The following KCND2 variants were observed in gnomAD, a reference collection of about 807,000 sequenced individuals.
KCND2 encodes A-type voltage-gated potassium channel KCND2.
Under a neutral mutation model 54.4 loss-of-function variants are expected in KCND2, and 16 were observed. The ratio of observed to expected loss-of-function variants is 0.29; its 90% CI spans 0.20 to 0.45. The LOEUF is 0.45. Ranked by LOEUF, KCND2 falls within the 20% of genes least tolerant of loss-of-function variation. KCND2 has a pLI of 1.00. For synonymous variants in KCND2, 317 were observed against 310.7 expected (o/e 1.02, Z -0.21); for missense variants, 486 against 824.2 (o/e 0.59, Z 5.02).
intron 1 of KCND2, among the ~76,000 whole-genome samples, chr7:120,699,494 T>TA (rs763639347): frequency 9.2e-5 from 14 of 152,064 alleles, no homozygotes; most frequent in Non-Finnish European, 1.3e-4. Context: ...GTTTTACAAA[T>TA]AAATTAGTGA....
chr7:120,435,178 C>T (rs1169591981), intron 1 of KCND2, among the ~76,000 whole-genome samples: 2 of 151,788 alleles, frequency 1.3e-5, no homozygotes, highest in Non-Finnish European at 2.9e-5. Context: ...TTCATCTCTA[C>T]TCATTGCAAC....
intron 1 of KCND2, among the ~76,000 whole-genome samples, chr7:120,496,891 G>A (rs533927343): frequency 3.5e-4 from 54 of 152,232 alleles, no homozygotes; most frequent in Middle Eastern, 6.8e-3. Flanking sequence ...CAGATAATTT[G>A]TATACTCATG....
At chr7:120,707,561 T>C (rs577910387) in intron 1 of KCND2, among the ~76,000 whole-genome samples, 5 of 152,256 alleles carry the variant, frequency 3.3e-5, no homozygotes, top group Non-Finnish European at 4.4e-5. Flanking sequence ...GTAGTTGTAA[T>C]ATCTTACTTT....
intron 1 of KCND2, among the ~76,000 whole-genome samples, chr7:120,604,087 T>C (rs1792847757): frequency 6.6e-6 from 1 of 152,172 alleles, no homozygotes; most frequent in Admixed American, 6.5e-5. Flanking sequence ...TTAAATGTAA[T>C]TTAAAACATT....
intron 1 of KCND2, among the ~76,000 whole-genome samples, chr7:120,692,079 G>A (rs1462358528): frequency 6.6e-6 from 1 of 152,200 alleles, no homozygotes; most frequent in African/African-American, 2.4e-5. Flanking sequence ...ATGCAACAGA[G>A]AGAGAATGAA....
At chr7:120,529,217 A>G (rs567067602) in intron 1 of KCND2, among the ~76,000 whole-genome samples, 17 of 152,262 alleles carry the variant, frequency 1.1e-4, no homozygotes, top group African/African-American at 4.1e-4. Flanking sequence ...TCTCAGTTGT[A>G]TTAAGGTTTG....
rs573125205 is a variant in KCND2, at chr7:120,549,039, C to G, written c.1116-183864C>G. ...GACTTTGGATTCAAATAAAAGTACT[C>G]TGATGTAGGAATTGAATCTTAACAA... On this transcript the variant is annotated intron_variant, in intron 1 of 5. Transcript: ENST00000331113. 2.9e-3 allele frequency among the ~76,000 whole-genome samples: 438 copies of G among 152,124 alleles called. 3 individuals are homozygous for G. The highest frequency in any genetic ancestry group is 0.01 in the African/African-American group (423 of 41,532).
At chr7:120,480,113 T>G (rs1018439863) in intron 1 of KCND2, among the ~76,000 whole-genome samples, 2 of 151,910 alleles carry the variant, frequency 1.3e-5, no homozygotes, top group Non-Finnish European at 2.9e-5. Flanking sequence ...TTTTTTATGG[T>G]ATAGATATAA....
At chr7:120,428,029 T>C (rs1190508523) in intron 1 of KCND2, among the ~76,000 whole-genome samples, 1 of 152,168 alleles carries the variant, frequency 6.6e-6, no homozygotes, top group Non-Finnish European at 1.5e-5. Context: ...AATAGGAAAA[T>C]GTATACATGT....
At chr7:120,572,980 T>G (rs1460644037) in intron 1 of KCND2, among the ~76,000 whole-genome samples, 1 of 152,198 alleles carries the variant, frequency 6.6e-6, no homozygotes, top group Non-Finnish European at 1.5e-5. Context: ...TTGTAAACTA[T>G]TTACATGTTT....
chr7:120,742,729 C>A, intron 4 of KCND2, 127 bp downstream of exon 4: 1 of 750,544 alleles, frequency 1.3e-6, no homozygotes, highest in Non-Finnish European at 2.4e-6. Context: ...AAAAAACAAA[C>A]AAACCAAAAC....
At chr7:120,529,138 A>G (rs1791812814) in intron 1 of KCND2, among the ~76,000 whole-genome samples, 1 of 152,166 alleles carries the variant, frequency 6.6e-6, no homozygotes, top group Non-Finnish European at 1.5e-5. Flanking sequence ...ATCTTGTCCT[A>G]TTTGGAAAGT....
chr7:120,483,660 T>C (rs567304755), intron 1 of KCND2, among the ~76,000 whole-genome samples: 32 of 152,164 alleles, frequency 2.1e-4, no homozygotes, highest in African/African-American at 7.0e-4. Flanking sequence ...GTAGGAACAG[T>C]AGAACAAAGA....
intron 1 of KCND2, among the ~76,000 whole-genome samples, chr7:120,609,351 C>G (rs549692507): frequency 6.6e-6 from 1 of 152,132 alleles, no homozygotes; most frequent in East Asian, 1.9e-4. Flanking sequence ...CTCTGTCAAC[C>G]CTTACATAAC....
At chr7:120,338,181 G>A (rs1043066293) in intron 1 of KCND2, among the ~76,000 whole-genome samples, 2 of 151,784 alleles carry the variant, frequency 1.3e-5, no homozygotes, top group African/African-American at 4.8e-5. Context: ...AAATTCATTT[G>A]TGTCTTAGTG....
At chr7:120,441,618 G>A (rs1030666155) in intron 1 of KCND2, among the ~76,000 whole-genome samples, 9 of 151,912 alleles carry the variant, frequency 5.9e-5, no homozygotes, top group African/African-American at 2.2e-4. Flanking sequence ...AGAGAAAATG[G>A]GACATAGAAA....
In KCND2 at chr7:120,750,005, T is replaced by G. The variant is rs1793052495; in HGVS notation, c.*2147T>G. The G allele has an allele frequency of 6.6e-6, 1 of 151,946 alleles. No homozygotes were observed. Among genetic ancestry groups the G allele is most frequent in the Non-Finnish European group, 1.5e-5 (1 of 67,854 alleles). 9.4% of individuals were successfully genotyped at this position (151,946 alleles called of 1,614,324 possible). The stretch of plus-strand genomic sequence containing the variant: ...GGTTATTTCAATTGACAATTCTGCC[T>G]CCTCTTTTGATTTATCACTTACCCA... On this transcript the variant is annotated 3_prime_UTR_variant, in exon 6 of 6. Coordinates refer to ENST00000331113, the MANE Select transcript of KCND2 (RefSeq NM_012281.3).
At chr7:120,345,120 A>C (rs967034804) in intron 1 of KCND2, among the ~76,000 whole-genome samples, 2 of 152,148 alleles carry the variant, frequency 1.3e-5, no homozygotes, top group Non-Finnish European at 2.9e-5. Context: ...TAATCTGAAA[A>C]CAAAACACCC....
At chr7:120,500,884 T>C (rs1369782471) in intron 1 of KCND2, among the ~76,000 whole-genome samples, 1 of 151,652 alleles carries the variant, frequency 6.6e-6, no homozygotes, top group East Asian at 1.9e-4. Flanking sequence ...AATGCCAATG[T>C]CTATGAGTAA....
Sources: allele counts gnomAD v4.1 joint callset (sites outside exome capture counted in the v4.1 genomes callset), GRCh38; gene constraint gnomAD v4.1.1; transcripts MANE v1.5; gene names NCBI Gene and HGNC (gene_info 2026-07-23, HGNC 2026-07-21).